The following C10orf90 variants were observed in gnomAD, a reference collection of about 807,000 sequenced individuals.
C10orf90 encodes chromosome 10 open reading frame 90, also known as (E2-independent) E3 ubiquitin-conjugating enzyme FATS.
C10orf90 carries 56 observed loss-of-function variants against 62.5 expected under a neutral mutation model. The ratio of observed to expected loss-of-function variants is 0.90; its 90% CI spans 0.72 to 1.12. C10orf90 has a LOEUF of 1.12. Ranked by LOEUF, C10orf90 falls within the 50% of genes most tolerant of loss-of-function variation. The pLI is 0.00. For missense variants in C10orf90, 970 were observed against 880.4 expected, an observed-to-expected ratio of 1.10 and a Z score of -1.29; for synonymous variants, 386 against 340.4, an observed-to-expected ratio of 1.13 and a Z score of -1.47.
At chr10:126,519,065 C>T (rs1199938045) in intron 2 of C10orf90, among the ~76,000 whole-genome samples, 1 of 152,132 alleles carries the variant, frequency 6.6e-6, no homozygotes, top group Non-Finnish European at 1.5e-5. Context: ...CCTTGATAAG[C>T]CACGGACAGA....
chr10:126,621,016 A>G (rs1845633971), intron 2 of C10orf90, among the ~76,000 whole-genome samples: 2 of 152,234 alleles, frequency 1.3e-5, no homozygotes, highest in South Asian at 2.1e-4. Flanking sequence ...TCCATTTTAA[A>G]TGAATGTAAT....
At chr10:126,494,066 T>C (rs1211962301) in intron 4 of C10orf90, among the ~76,000 whole-genome samples, 1 of 152,180 alleles carries the variant, frequency 6.6e-6, no homozygotes. Context: ...GGAGAGGATG[T>C]CAGAGAAACT....
intron 7 of C10orf90, among the ~76,000 whole-genome samples, chr10:126,433,606 C>A (rs1382341600): frequency 6.6e-6 from 1 of 152,120 alleles, no homozygotes; most frequent in East Asian, 1.9e-4. Flanking sequence ...ACCTGCACGC[C>A]ACCATCTTCC....
At chr10:126,568,507 A>T (rs1465385864) in intron 2 of C10orf90, among the ~76,000 whole-genome samples, 2 of 152,164 alleles carry the variant, frequency 1.3e-5, no homozygotes, top group African/African-American at 4.8e-5. Context: ...GAAGGGCAGG[A>T]CCTTTTCATG....
chr10:126,535,207 ATT>A (rs3044663), intron 2 of C10orf90, among the ~76,000 whole-genome samples: 1 of 151,346 alleles, frequency 6.6e-6, no homozygotes, highest in Admixed American at 6.6e-5. Context: ...ACAAAATTGT[ATT>A]TTTTTTTCAT....
At chr10:126,431,010 C>A (rs1377646154) in intron 7 of C10orf90, among the ~76,000 whole-genome samples, 1 of 152,106 alleles carries the variant, frequency 6.6e-6, no homozygotes, top group Non-Finnish European at 1.5e-5. Flanking sequence ...TAAGCTTGTC[C>A]CCTGTCTGGT....
At position 126,461,447 on chromosome 10, in the gene C10orf90, T is replaced by A; in HGVS notation, c.1964A>T (p.Asp655Val). Residue 655 changes from aspartate (D) to valine (V), a missense_variant, in exon 6 of 10, where the codon GAC (aspartate) becomes GTC (valine). By Grantham distance (152) the Asp-to-Val change is radical. Transcript: ENST00000488181. ...DGAGSPGLSE[D>V]CSESQQTPAR... ...AGGCGTTTGCTGAGACTCAGAACAGTCTTCGGACAGGCCAGGGCTCCCTGC... is the reference window on the plus strand; with the variant it reads ...AGGCGTTTGCTGAGACTCAGAACAGACTTCGGACAGGCCAGGGCTCCCTGC... 6.2e-7 allele frequency: 1 copy of A among 1,614,180 alleles called. No homozygotes were observed. Among genetic ancestry groups the A allele is most frequent in the Non-Finnish European group, 8.5e-7 (1 of 1,180,026 alleles).
chr10:126,485,909 T>G (rs1861411519), intron 4 of C10orf90, among the ~76,000 whole-genome samples: 2 of 151,238 alleles, frequency 1.3e-5, no homozygotes, highest in South Asian at 4.2e-4. Flanking sequence ...TTCGCGCCAC[T>G]GCACTCCAGC....
intron 2 of C10orf90, among the ~76,000 whole-genome samples, chr10:126,566,016 C>T (rs1000198177): frequency 2.6e-5 from 4 of 152,172 alleles, no homozygotes; most frequent in Non-Finnish European, 5.9e-5. Context: ...TTCAGACTAC[C>T]CTATTGTCAT....
At chr10:126,596,448 T>C (rs1345586030) in intron 2 of C10orf90, among the ~76,000 whole-genome samples, 1 of 152,086 alleles carries the variant, frequency 6.6e-6, no homozygotes, top group African/African-American at 2.4e-5. Context: ...TAAATATGTC[T>C]AGCAATAGAC....
In C10orf90 at chr10:126,573,222, T is replaced by C. The variant is rs190293116; in HGVS notation, c.314-59283A>G. On this transcript the variant is annotated intron_variant, in intron 2 of 9. Coordinates refer to ENST00000488181, the MANE Select transcript of C10orf90 (RefSeq NM_001350921.2). ...ATTGAGCAAGCAGGCGGTACGTGAC[T>C]GGAGGCTGCATGCACCTGCACTGGT... Among the ~76,000 whole-genome samples the C allele has an allele frequency of 1.9e-3, 282 of 152,270 alleles. 2 individuals carry two copies. Among genetic ancestry groups the C allele is most frequent in the African/African-American group, 5.8e-3 (240 of 41,578 alleles).
chr10:126,510,033 G>A (rs75056590), intron 3 of C10orf90, among the ~76,000 whole-genome samples: 5,906 of 152,062 alleles, frequency 0.039, 160 homozygotes, highest in Admixed American at 0.069. Flanking sequence ...ATCTTTACAC[G>A]GTCCTCCCTC....
At chr10:126,582,380 G>A (rs1035961320) in intron 2 of C10orf90, among the ~76,000 whole-genome samples, 10 of 152,082 alleles carry the variant, frequency 6.6e-5, no homozygotes, top group East Asian at 1.9e-4. Context: ...GGATCTCTAC[G>A]GTTTCTTTTA....
chr10:126,490,222 G>A (rs977771666), intron 4 of C10orf90, among the ~76,000 whole-genome samples: 1 of 146,294 alleles, frequency 6.8e-6, no homozygotes, highest in Non-Finnish European at 1.5e-5. Context: ...TCTAACGCAT[G>A]CAACGGCATA....
intron 1 of C10orf90, among the ~76,000 whole-genome samples, chr10:126,659,253 G>C (rs975322227): frequency 9.2e-5 from 14 of 152,208 alleles, no homozygotes; most frequent in African/African-American, 3.1e-4. Flanking sequence ...GCCATGCACT[G>C]AGAAGCTGGC....
At chr10:126,550,310 G>C (rs1864604541) in intron 2 of C10orf90, among the ~76,000 whole-genome samples, 1 of 152,062 alleles carries the variant, frequency 6.6e-6, no homozygotes, top group South Asian at 2.1e-4. Flanking sequence ...TAGAAAAGTG[G>C]TTGCCAGAGG....
In C10orf90 at chr10:126,639,001, G is replaced by A. The variant is rs376416431; in HGVS notation, c.313+7564C>T. On this transcript the variant is annotated intron_variant, in intron 2 of 9. Transcript: ENST00000488181. Reference sequence around the variant, plus strand: ...ACAGCCTTTTATGGAATAACTTTACGCTGAGTAACTCTTAGACATGCGGGA... The same window carrying A: ...ACAGCCTTTTATGGAATAACTTTACACTGAGTAACTCTTAGACATGCGGGA... Among the ~76,000 whole-genome samples the A allele has an allele frequency of 7.9e-5, 12 of 152,330 alleles. No homozygotes were observed. The South Asian group carries it at 1.2e-3, about 16-fold the overall frequency.
At chr10:126,588,512 C>T (rs1844918294) in intron 2 of C10orf90, among the ~76,000 whole-genome samples, 1 of 152,182 alleles carries the variant, frequency 6.6e-6, no homozygotes, top group Admixed American at 6.5e-5. Flanking sequence ...TCTCTGCCTT[C>T]ACTGGTGATA....
At chr10:126,506,368 A>C (rs2133893628) in intron 3 of C10orf90, among the ~76,000 whole-genome samples, 1 of 152,384 alleles carries the variant, frequency 6.6e-6, no homozygotes, top group Admixed American at 6.5e-5. Context: ...GCCCCCGTTT[A>C]GACGTTCATT....
Sources: allele counts gnomAD v4.1 joint callset (sites outside exome capture counted in the v4.1 genomes callset), GRCh38; gene constraint gnomAD v4.1.1; transcripts MANE v1.5; gene names NCBI Gene and HGNC (gene_info 2026-07-23, HGNC 2026-07-21).